The following SCD5 variants were observed in gnomAD, a reference collection of about 807,000 sequenced individuals.
SCD5 encodes the protein acyl-CoA-desaturase 4.
Under a neutral mutation model 30.4 loss-of-function variants are expected in SCD5, and 20 were observed. The ratio of observed to expected loss-of-function variants is 0.66; its 90% CI spans 0.46 to 0.96. The LOEUF (loss-of-function observed/expected upper bound fraction) is 0.96. SCD5 is among the 40% of genes least tolerant of loss of function. The pLI is 0.00. For synonymous variants in SCD5, 173 were observed against 176.4 expected (o/e 0.98, Z 0.16); for missense variants, 381 against 443.3 (o/e 0.86, Z 1.26).
At chr4:82,769,044 G>C (rs940695565) in intron 1 of SCD5, among the ~76,000 whole-genome samples, 1 of 151,978 alleles carries the variant, frequency 6.6e-6, no homozygotes, top group Non-Finnish European at 1.5e-5. Flanking sequence ...GGGGGCTGGA[G>C]GTTGGAGGCT....
At chr4:82,735,562 G>A (rs908058973) in intron 1 of SCD5, among the ~76,000 whole-genome samples, 6 of 152,230 alleles carry the variant, frequency 3.9e-5, no homozygotes, top group African/African-American at 1.2e-4. Flanking sequence ...TCAAGGAGCC[G>A]CCACATTCGT....
At chr4:82,636,144 CAG>C (rs2148811583) in intron 4 of SCD5, among the ~76,000 whole-genome samples, 1 of 152,212 alleles carries the variant, frequency 6.6e-6, no homozygotes, top group Non-Finnish European at 1.5e-5. Context: ...AACTGTAAAT[CAG>C]AGAGATCACA....
chr4:82,743,688 AT>A (rs1034561312), intron 1 of SCD5, among the ~76,000 whole-genome samples: 19 of 151,714 alleles, frequency 1.3e-4, no homozygotes, highest in Non-Finnish European at 2.9e-5. Context: ...TGCCTGGCTA[AT>A]TTTTAATTTT....
chr4:82,637,545 G>T (rs1727459309), intron 3 of SCD5, among the ~76,000 whole-genome samples: 1 of 152,236 alleles, frequency 6.6e-6, no homozygotes, highest in Non-Finnish European at 1.5e-5. Context: ...CAAGTTAGGT[G>T]AAGCCCCTGA....
At chr4:82,728,487 A>T (rs892719508) in intron 1 of SCD5, among the ~76,000 whole-genome samples, 5 of 152,184 alleles carry the variant, frequency 3.3e-5, no homozygotes, top group African/African-American at 7.2e-5. Flanking sequence ...AGGTCACAAG[A>T]TTGCTGACTT....
intron 3 of SCD5, among the ~76,000 whole-genome samples, chr4:82,647,029 T>A (rs1049379920): frequency 1.3e-5 from 2 of 152,236 alleles, no homozygotes; most frequent in Non-Finnish European, 2.9e-5. Flanking sequence ...TTCAACATGT[T>A]GGCCAGGCTG....
At position 82,798,289 on chromosome 4, in the gene SCD5, G is replaced by A. The variant is rs770557477; in HGVS notation, c.232+17C>T. 1 of 1,555,068 alleles carries A rather than the reference G, an allele frequency of 6.4e-7. No homozygotes were observed. The highest frequency in any genetic ancestry group is 1.9e-5 in the Admixed American group (1 of 53,316). ...GGCCACGGAGGCCGGGGCGCAGGGGGCGCCGGCGGGACTTACCCCAGAGCA... is the reference window on the plus strand; with the variant it reads ...GGCCACGGAGGCCGGGGCGCAGGGGACGCCGGCGGGACTTACCCCAGAGCA... On this transcript the variant is annotated intron_variant, in intron 1 of 4. Transcript: ENST00000319540.
At chr4:82,691,156 G>C (rs1333346960) in intron 2 of SCD5, among the ~76,000 whole-genome samples, 2 of 152,200 alleles carry the variant, frequency 1.3e-5, no homozygotes, top group Non-Finnish European at 2.9e-5. Flanking sequence ...CTCCCGAGTA[G>C]CTGGGATTAC....
chr4:82,675,098 A>G (rs1414876300), intron 3 of SCD5, among the ~76,000 whole-genome samples: 3 of 152,188 alleles, frequency 2.0e-5, no homozygotes, highest in African/African-American at 7.2e-5. Context: ...CAACACCAAC[A>G]TGAATCCTGA....
intron 1 of SCD5, among the ~76,000 whole-genome samples, chr4:82,754,197 G>A (rs1046384963): frequency 6.6e-6 from 1 of 152,140 alleles, no homozygotes; most frequent in Non-Finnish European, 1.5e-5. Context: ...GACAGTGCAG[G>A]GAGAGAAAGC....
At chr4:82,666,068 C>A (rs75283280) in intron 3 of SCD5, among the ~76,000 whole-genome samples, 1 of 151,744 alleles carries the variant, frequency 6.6e-6, no homozygotes, top group East Asian at 1.9e-4. Context: ...TCAAGAGCTG[C>A]GGGGTTATAG....
At chr4:82,792,607 G>T (rs1722123353) in intron 1 of SCD5, among the ~76,000 whole-genome samples, 1 of 152,138 alleles carries the variant, frequency 6.6e-6, no homozygotes, top group South Asian at 2.1e-4. Context: ...TCTAGCCCTG[G>T]CTACTTGGGA....
intron 3 of SCD5, among the ~76,000 whole-genome samples, chr4:82,637,578 C>T (rs1727460063): frequency 6.6e-6 from 1 of 152,220 alleles, no homozygotes; most frequent in Non-Finnish European, 1.5e-5. Context: ...CCAAGTGGAG[C>T]CACTGCTCAC....
At chr4:82,791,464 A>G (rs1255043836) in intron 1 of SCD5, among the ~76,000 whole-genome samples, 2 of 151,924 alleles carry the variant, frequency 1.3e-5, no homozygotes, top group Non-Finnish European at 2.9e-5. Context: ...CCTGATAACC[A>G]TGGGGCTTTC....
At chr4:82,748,541 T>A (rs905659917) in intron 1 of SCD5, among the ~76,000 whole-genome samples, 2 of 152,128 alleles carry the variant, frequency 1.3e-5, no homozygotes, top group African/African-American at 4.8e-5. Flanking sequence ...ACTTAACACA[T>A]CTGCTGCAAT....
chr4:82,785,075 G>A (rs999371004), intron 1 of SCD5, among the ~76,000 whole-genome samples: 1 of 152,194 alleles, frequency 6.6e-6, no homozygotes, highest in Non-Finnish European at 1.5e-5. Context: ...GCCAAGTAAA[G>A]TGCAGATCTC....
Position 82,760,814 on chromosome 4 carries a change from G to A in SCD5, c.232+37492C>T, listed in dbSNP as rs1721348068. Among the ~76,000 whole-genome samples, 5 of 152,154 alleles carry A rather than the reference G, an allele frequency of 3.3e-5. No individual in the cohort carries two copies. The South Asian group carries it at 1.0e-3, about 32-fold the overall frequency. ...CCTTGTATGGCAATTCATTCTTGCC[G>A]CACCACAATTCATCCCCCTATCTAG... On this transcript the variant is annotated intron_variant, in intron 1 of 4. Transcript: ENST00000319540.
At chr4:82,736,608 C>CAA (rs36051224) in intron 1 of SCD5, among the ~76,000 whole-genome samples, 12 of 148,846 alleles carry the variant, frequency 8.1e-5, no homozygotes, top group Non-Finnish European at 1.6e-4. Context: ...GACTTTGCCT[C>CAA]AAAAAAAAAA....
chr4:82,777,529 T>C (rs1042533575), intron 1 of SCD5, among the ~76,000 whole-genome samples: 1 of 152,188 alleles, frequency 6.6e-6, no homozygotes, highest in Middle Eastern at 3.2e-3. Context: ...GACAGCTTAA[T>C]AGGTGTGTGA....
Sources: allele counts gnomAD v4.1 joint callset (sites outside exome capture counted in the v4.1 genomes callset), GRCh38; gene constraint gnomAD v4.1.1; transcripts MANE v1.5; gene names NCBI Gene and HGNC (gene_info 2026-07-23, HGNC 2026-07-21).